PARD3B: variants seen among roughly 807,000 people sequenced by gnomAD.
The protein encoded by PARD3B is partitioning defective 3 homolog B.
Under a neutral mutation model 130.2 loss-of-function variants are expected in PARD3B, and 103 were observed. The ratio of observed to expected loss-of-function variants is 0.79; its 90% CI spans 0.67 to 0.93. The LOEUF is 0.93. Ranked by LOEUF, PARD3B falls within the 40% of genes least tolerant of loss-of-function variation. The pLI is 0.00. For synonymous variants in PARD3B, 583 were observed against 553.2 expected (o/e 1.05, Z -0.76); for missense variants, 1,609 against 1,499.2 (o/e 1.07, Z -1.21).
intron 10 of PARD3B, among the ~76,000 whole-genome samples, chr2:205,147,958 A>AAT (rs2033482909): frequency 6.6e-6 from 1 of 152,104 alleles, no homozygotes; most frequent in African/African-American, 2.4e-5. Context: ...TGGGTTTTCT[A>AAT]ATATATATCA....
chr2:205,039,115 T>C (rs1042568090), intron 3 of PARD3B, among the ~76,000 whole-genome samples: 2 of 152,204 alleles, frequency 1.3e-5, no homozygotes, highest in African/African-American at 4.8e-5. Flanking sequence ...TTGTGCAGTT[T>C]TTTTGGCATC....
At chr2:204,885,542 T>C (rs991173258) in intron 2 of PARD3B, among the ~76,000 whole-genome samples, 2 of 152,198 alleles carry the variant, frequency 1.3e-5, no homozygotes, top group Non-Finnish European at 2.9e-5. Context: ...TTGCTTCTTC[T>C]TCATGAAACT....
rs1311602708 is a variant in PARD3B, at chr2:205,591,946, C to T, written c.3261-23510C>T. Among the ~76,000 whole-genome samples the T allele has an allele frequency of 2.0e-5, 3 of 152,156 alleles. No individual in the cohort carries two copies. The highest frequency in any genetic ancestry group is 7.2e-5 in the African/African-American group (3 of 41,436). ...GGGAACGAAGACACCCAGGCATGGA[C>T]ATTAAGATTCAAGGCTAGGATCTCA... On this transcript the variant is annotated intron_variant, in intron 22 of 22. Coordinates refer to ENST00000406610, the MANE Select transcript of PARD3B (RefSeq NM_001302769.2). The surrounding 1 kb of genome is among the most constrained non-coding windows in gnomAD (Gnocchi z 4.2).
At chr2:205,499,526 A>G (rs1425199403) in intron 20 of PARD3B, among the ~76,000 whole-genome samples, 1 of 152,098 alleles carries the variant, frequency 6.6e-6, no homozygotes, top group East Asian at 1.9e-4. Flanking sequence ...CTTTGTCCCA[A>G]ATTAGCAATA....
chr2:205,376,505 T>A (rs1027475534), intron 18 of PARD3B, among the ~76,000 whole-genome samples: 33 of 148,846 alleles, frequency 2.2e-4, no homozygotes, highest in African/African-American at 7.1e-4. Flanking sequence ...TCTAATGACG[T>A]GAGGTATTGG....
At chr2:205,487,342 A>C (rs1441127922) in intron 20 of PARD3B, among the ~76,000 whole-genome samples, 1 of 152,190 alleles carries the variant, frequency 6.6e-6, no homozygotes, top group Non-Finnish European at 1.5e-5. Flanking sequence ...GAAGAAAAAC[A>C]AAAGCATTGT....
intron 3 of PARD3B, among the ~76,000 whole-genome samples, chr2:204,976,436 A>G (rs1692159736): frequency 6.6e-6 from 1 of 152,120 alleles, no homozygotes; most frequent in Admixed American, 6.5e-5. Context: ...GATAGTCGCA[A>G]GCAGTGAATG....
intron 21 of PARD3B, among the ~76,000 whole-genome samples, chr2:205,501,570 TAAAGG>T (rs948122127): frequency 6.6e-6 from 1 of 152,156 alleles, no homozygotes; most frequent in Non-Finnish European, 1.5e-5. Context: ...AGCAATAAAA[TAAAGG>T]AAAGTCATTT....
intron 10 of PARD3B, among the ~76,000 whole-genome samples, chr2:205,141,310 T>C (rs1317559216): frequency 1.3e-5 from 2 of 152,230 alleles, no homozygotes; most frequent in African/African-American, 2.4e-5. Flanking sequence ...CACCACCAAC[T>C]GTCAGAGCAA....
intron 15 of PARD3B, among the ~76,000 whole-genome samples, chr2:205,205,946 T>G (rs1268331844): frequency 6.6e-6 from 1 of 152,192 alleles, no homozygotes; most frequent in African/African-American, 2.4e-5. Context: ...GGTATCAGGA[T>G]GATGCTGGCC....
intron 15 of PARD3B, among the ~76,000 whole-genome samples, chr2:205,205,548 C>G (rs550079891): frequency 2.0e-5 from 3 of 152,180 alleles, no homozygotes; most frequent in Admixed American, 2.0e-4. Context: ...ATGCTTCCAG[C>G]TTATGCCCAT....
chr2:205,173,220 T>A (rs1384371187), intron 12 of PARD3B, among the ~76,000 whole-genome samples: 1 of 152,202 alleles, frequency 6.6e-6, no homozygotes, highest in Non-Finnish European at 1.5e-5. Flanking sequence ...TTTAAAAAGC[T>A]AATATAAAGT....
intron 1 of PARD3B, among the ~76,000 whole-genome samples, chr2:204,566,766 G>A (rs1216049243): frequency 6.6e-6 from 1 of 151,806 alleles, no homozygotes; most frequent in Non-Finnish European, 1.5e-5. Flanking sequence ...TTCTTAAGTA[G>A]TTGCTTCCCT....
At chr2:204,901,500 C>A (rs562368536) in intron 2 of PARD3B, among the ~76,000 whole-genome samples, 2 of 151,794 alleles carry the variant, frequency 1.3e-5, no homozygotes, top group African/African-American at 4.8e-5. Context: ...GAGGGCTCCC[C>A]TCTGGTATGG....
At position 204,545,834 on chromosome 2, in the gene PARD3B, A is replaced by G. The variant is rs1221705179; in HGVS notation, c.-166A>G. The G allele has an allele frequency of 5.9e-5, 39 of 666,614 alleles. 1 individual carries two copies. The highest frequency in any genetic ancestry group is 8.1e-5 in the Non-Finnish European group (36 of 446,092). The allele number at this position is 666,614 out of a possible 1,614,324, so 41.3% of individuals were successfully genotyped here. On this transcript the variant is annotated 5_prime_UTR_variant, in exon 1 of 23. Transcript: ENST00000406610. ...GATTCCCGCCACCTGCCGCCTGGCCAGGTGGAAGGGGCGCTGCCGCGAGCC... is the reference window on the plus strand; with the variant it reads ...GATTCCCGCCACCTGCCGCCTGGCCGGGTGGAAGGGGCGCTGCCGCGAGCC...
intron 16 of PARD3B, among the ~76,000 whole-genome samples, chr2:205,279,495 A>G (rs1304883491): frequency 6.6e-6 from 1 of 152,184 alleles, no homozygotes; most frequent in Admixed American, 6.5e-5. Flanking sequence ...TAATTTCACA[A>G]TGGCATTATT....
intron 21 of PARD3B, among the ~76,000 whole-genome samples, chr2:205,536,845 A>G (rs2051883195): frequency 6.6e-6 from 1 of 152,164 alleles, no homozygotes; most frequent in Non-Finnish European, 1.5e-5. Flanking sequence ...TTCAGTAGGA[A>G]GAGTTCTGGG....
At chr2:205,447,362 G>T (rs2047941337) in intron 20 of PARD3B, among the ~76,000 whole-genome samples, 1 of 152,120 alleles carries the variant, frequency 6.6e-6, no homozygotes, top group Non-Finnish European at 1.5e-5. Context: ...AATAATGAAT[G>T]AATGGTTTAA....
rs1299820383 is a variant in PARD3B, at chr2:205,300,078, G to A, written c.2186-452G>A. Among the ~76,000 whole-genome samples, 1 of 152,170 alleles carries A rather than the reference G, an allele frequency of 6.6e-6. No homozygotes were observed. The highest frequency in any genetic ancestry group is 2.4e-5 in the African/African-American group (1 of 41,444). ...CTGTCAGGTGTGGGAGTGCTAGGAC[G>A]ATACTGGAAGAGAAGCTCTCGTCAT... On this transcript the variant is annotated intron_variant, in intron 16 of 22. Coordinates refer to ENST00000406610, the MANE Select transcript of PARD3B (RefSeq NM_001302769.2). This position sits in a 1 kb window ranked among gnomAD's most constrained non-coding sequence, Gnocchi z 4.1.
Sources: allele counts gnomAD v4.1 joint callset (sites outside exome capture counted in the v4.1 genomes callset), GRCh38; gene constraint gnomAD v4.1.1; non-coding constraint Gnocchi (gnomAD v3.1); transcripts MANE v1.5; gene names NCBI Gene and HGNC (gene_info 2026-07-23, HGNC 2026-07-21).